SLC25A21: variants seen among roughly 807,000 people sequenced by gnomAD.
The protein encoded by SLC25A21 is solute carrier family 25 member 21.
SLC25A21 carries 47 observed loss-of-function variants against 43.8 expected under a neutral mutation model. That is an observed-to-expected ratio of 1.07 (90% confidence interval 0.85 to 1.37). The LOEUF is 1.37. Among genes scored for constraint, SLC25A21 ranks in the 40% most tolerant of loss-of-function variants. SLC25A21 has a pLI of 0.00. For missense variants in SLC25A21, 352 were observed against 350.2 expected (o/e 1.00, Z -0.04); for synonymous variants, 131 against 121.3 (o/e 1.08, Z -0.52).
intron 1 of SLC25A21, among the ~76,000 whole-genome samples, chr14:37,055,845 T>G (rs1224385544): frequency 6.6e-6 from 1 of 152,206 alleles, no homozygotes; most frequent in Non-Finnish European, 1.5e-5. Flanking sequence ...ATATCTAATA[T>G]GTACATCCAT....
chr14:36,805,154 C>T (rs962623098), intron 3 of SLC25A21, among the ~76,000 whole-genome samples: 6 of 152,308 alleles, frequency 3.9e-5, no homozygotes, highest in Middle Eastern at 6.8e-3. Flanking sequence ...CAGCACCACA[C>T]GCTGAGGGAG....
chr14:37,138,012 C>G (rs1019821329), intron 1 of SLC25A21, among the ~76,000 whole-genome samples: 32 of 152,246 alleles, frequency 2.1e-4, no homozygotes, highest in Non-Finnish European at 4.0e-4. Context: ...TTCCTAGATG[C>G]CTTTTTGCCT....
chr14:37,023,536 A>C (rs1331625906), intron 1 of SLC25A21, among the ~76,000 whole-genome samples: 6 of 152,034 alleles, frequency 3.9e-5, no homozygotes, highest in Non-Finnish European at 8.8e-5. Flanking sequence ...AAAAAAATTT[A>C]AGACCAGTGG....
At chr14:37,099,045 C>T (rs928600040) in intron 1 of SLC25A21, among the ~76,000 whole-genome samples, 3 of 152,094 alleles carry the variant, frequency 2.0e-5, no homozygotes, top group South Asian at 2.1e-4. Flanking sequence ...TCAAGTGATC[C>T]GCCTGCCTCG....
intron 1 of SLC25A21, among the ~76,000 whole-genome samples, chr14:37,106,799 T>A (rs1305176716): frequency 6.6e-6 from 1 of 152,164 alleles, no homozygotes; most frequent in Non-Finnish European, 1.5e-5. Flanking sequence ...GGCATCACAG[T>A]CCTACCGATA....
At chr14:36,710,220 A>G (rs567987569) in intron 7 of SLC25A21, among the ~76,000 whole-genome samples, 17 of 152,140 alleles carry the variant, frequency 1.1e-4, no homozygotes, top group African/African-American at 3.4e-4. Context: ...AAATAAAAAA[A>G]AAATTAGCTG....
At chr14:36,896,636 A>C (rs192993071) in intron 1 of SLC25A21, among the ~76,000 whole-genome samples, 19 of 152,234 alleles carry the variant, frequency 1.2e-4, no homozygotes, top group African/African-American at 4.1e-4. Context: ...CCTAGCCTTG[A>C]TGGTCTTTAC....
In SLC25A21 at chr14:36,724,680, C is replaced by T. The variant is rs567521645; in HGVS notation, c.438+890G>A. 4.4e-4 allele frequency among the ~76,000 whole-genome samples: 67 copies of T among 152,258 alleles called. No individual in the cohort carries two copies. In the South Asian group the frequency reaches 0.013, roughly 30 times the overall value. ...TGGAAGGAAGTGAAGGCAGCACACACCAAGGAATGCTGTCTGCACAATACG... is the reference window on the plus strand; with the variant it reads ...TGGAAGGAAGTGAAGGCAGCACACATCAAGGAATGCTGTCTGCACAATACG... On this transcript the variant is annotated intron_variant, in intron 6 of 9. Transcript: ENST00000331299.
At chr14:37,145,227 C>G (rs969255945) in intron 1 of SLC25A21, among the ~76,000 whole-genome samples, 3 of 152,072 alleles carry the variant, frequency 2.0e-5, no homozygotes, top group East Asian at 1.9e-4. Context: ...ATTAAGACAT[C>G]AGAATCCCCA....
chr14:36,894,355 T>C (rs2138587458), intron 1 of SLC25A21, among the ~76,000 whole-genome samples: 1 of 152,316 alleles, frequency 6.6e-6, no homozygotes, highest in Non-Finnish European at 1.5e-5. Context: ...GTTATTGGTA[T>C]ATAAGAATGC....
chr14:37,131,551 G>A (rs975602828), intron 1 of SLC25A21, among the ~76,000 whole-genome samples: 10 of 152,018 alleles, frequency 6.6e-5, no homozygotes, highest in African/African-American at 2.4e-4. Context: ...AATGACTTGT[G>A]GATTTTTTTC....
chr14:36,933,776 A>G (rs1282726853), intron 1 of SLC25A21, among the ~76,000 whole-genome samples: 3 of 152,186 alleles, frequency 2.0e-5, no homozygotes, highest in Non-Finnish European at 2.9e-5. Flanking sequence ...CTGCTAGATC[A>G]CAGTATTTCT....
At chr14:36,895,593 G>C (rs1044495559) in intron 1 of SLC25A21, among the ~76,000 whole-genome samples, 1 of 152,088 alleles carries the variant, frequency 6.6e-6, no homozygotes, top group Non-Finnish European at 1.5e-5. Context: ...TTTTGAATGT[G>C]TTTGCTCTTG....
chr14:36,844,145 G>A (rs1190563399), intron 2 of SLC25A21, among the ~76,000 whole-genome samples: 2 of 152,204 alleles, frequency 1.3e-5, no homozygotes, highest in African/African-American at 2.4e-5. Context: ...ACACGCTACA[G>A]TACTAAAGTC....
chr14:37,119,124 T>C (rs1332391516), intron 1 of SLC25A21, among the ~76,000 whole-genome samples: 2 of 152,032 alleles, frequency 1.3e-5, no homozygotes, highest in African/African-American at 4.8e-5. Flanking sequence ...GCCATGACAG[T>C]TTACAAATGC....
At chr14:36,972,207 A>G (rs1355486637) in intron 1 of SLC25A21, among the ~76,000 whole-genome samples, 1 of 152,188 alleles carries the variant, frequency 6.6e-6, no homozygotes, top group Non-Finnish European at 1.5e-5. Flanking sequence ...AGGTTATAGC[A>G]TATAGTCTAG....
At chr14:36,961,080 G>A (rs1382508574) in intron 1 of SLC25A21, among the ~76,000 whole-genome samples, 2 of 151,520 alleles carry the variant, frequency 1.3e-5, no homozygotes, top group Non-Finnish European at 2.9e-5. Flanking sequence ...TGATGTGAGT[G>A]AGCTGGCAAA....
At chr14:36,970,274 ATCC>A (rs941694849) in intron 1 of SLC25A21, among the ~76,000 whole-genome samples, 4 of 152,130 alleles carry the variant, frequency 2.6e-5, no homozygotes, top group African/African-American at 9.7e-5. Context: ...GAGGTCTGGA[ATCC>A]TGTGGTTGTC....
At chr14:36,682,157 T>A (rs1882297686) in intron 9 of SLC25A21, among the ~76,000 whole-genome samples, 1 of 148,436 alleles carries the variant, frequency 6.7e-6, no homozygotes, top group Non-Finnish European at 1.5e-5. Flanking sequence ...TTTTTTACTG[T>A]CTCTCTCTCA....
Sources: allele counts gnomAD v4.1 joint callset (sites outside exome capture counted in the v4.1 genomes callset), GRCh38; gene constraint gnomAD v4.1.1; transcripts MANE v1.5; gene names NCBI Gene and HGNC (gene_info 2026-07-23, HGNC 2026-07-21).